Variants in CRACDL observed in about 807,000 individuals in gnomAD.
The protein encoded by CRACDL is CRACD-like protein.
A neutral mutation model predicts 70.6 loss-of-function variants in CRACDL; 26 were observed. That is an observed-to-expected ratio of 0.37 (90% CI 0.27 to 0.51). CRACDL has a LOEUF of 0.51. CRACDL is among the 20% of genes least tolerant of loss of function. CRACDL has a pLI of 0.94. For missense variants in CRACDL, 1,283 were observed against 1,376.9 expected (o/e 0.93, Z 1.08); for synonymous variants, 618 against 615.2 (o/e 1.00, Z -0.07).
At chr2:98,857,584 A>G (rs1168047150) in intron 1 of CRACDL, among the ~76,000 whole-genome samples, 2 of 152,176 alleles carry the variant, frequency 1.3e-5, no homozygotes, top group Non-Finnish European at 2.9e-5. Flanking sequence ...TCAATAAGAA[A>G]TTAAAAGGTA....
At chr2:98,909,971 G>A (rs751571817) in intron 1 of CRACDL, among the ~76,000 whole-genome samples, 3 of 152,130 alleles carry the variant, frequency 2.0e-5, no homozygotes, top group African/African-American at 4.8e-5. Flanking sequence ...ATTTTGCCCC[G>A]ATTCCCACCC....
Position 98,897,372 on chromosome 2 carries a change from C to T in CRACDL, c.-11+38566G>A. On this transcript the variant is annotated intron_variant, in intron 1 of 9. Transcript: ENST00000397899. ...TATATTTGCCTTGCTCCTCTTAGCA[C>T]CTACCTTTTATCTTGCACGGACGCC... 3 of 1,303,612 alleles carry T rather than the reference C, an allele frequency of 2.3e-6. No homozygotes were observed. The South Asian group carries it at 3.7e-5, about 16-fold the overall frequency. The allele number at this position is 1,303,612 out of a possible 1,614,324, so 80.8% of individuals were successfully genotyped here.
At chr2:98,794,758 A>G in intron 9 of CRACDL, 87 bp from the exon 10 acceptor site, 1 of 1,151,942 alleles carries the variant, frequency 8.7e-7, no homozygotes, top group African/African-American at 1.5e-5. Flanking sequence ...CGAACTAGAC[A>G]TCGAGGTCTT....
chr2:98,893,670 GATTAT>G (rs981878394), intron 1 of CRACDL, among the ~76,000 whole-genome samples: 2 of 152,124 alleles, frequency 1.3e-5, no homozygotes, highest in African/African-American at 4.8e-5. Context: ...CTGGGGAAGG[GATTAT>G]ATCTTTTTAC....
intron 1 of CRACDL, among the ~76,000 whole-genome samples, chr2:98,934,358 T>C (rs956521237): frequency 6.6e-6 from 1 of 151,430 alleles, no homozygotes; most frequent in Non-Finnish European, 1.5e-5. Context: ...ACCTGGCTAT[T>C]TTTGTTTTGT....
chr2:98,866,475 C>CTTTTTTTTTTTTTTTTTT (rs1173322192), intron 1 of CRACDL, among the ~76,000 whole-genome samples: 3 of 43,266 alleles, frequency 6.9e-5, no homozygotes, highest in African/African-American at 2.0e-4. Context: ...ATCACTTCTT[C>CTTTTTTTTTTTTTTTTTT]TTTTTTTTTT....
rs746883204 is a variant in CRACDL, at chr2:98,796,831, G to A, written c.2604+519C>T. 3.3e-5 allele frequency among the ~76,000 whole-genome samples: 5 copies of A among 152,158 alleles called. No individual in the cohort carries two copies. In the East Asian group the frequency reaches 9.6e-4, roughly 29 times the overall value. ...GGCATAGTTGTTTGGGTTGGTGAAAGCTGCCTTCAATTCAGAGTACAAAAT... is the reference window on the plus strand; with the variant it reads ...GGCATAGTTGTTTGGGTTGGTGAAAACTGCCTTCAATTCAGAGTACAAAAT... On this transcript the variant is annotated intron_variant, in intron 8 of 9. Transcript: ENST00000397899.
intron 2 of CRACDL, among the ~76,000 whole-genome samples, chr2:98,839,877 A>C (rs73962476): frequency 3.2e-3 from 491 of 152,276 alleles, no homozygotes; most frequent in African/African-American, 0.011. Flanking sequence ...TCTCACCCTG[A>C]TATTAATTAT....
chr2:98,901,674 G>C (rs1197651592), intron 1 of CRACDL, among the ~76,000 whole-genome samples: 1 of 152,214 alleles, frequency 6.6e-6, no homozygotes, highest in Non-Finnish European at 1.5e-5. Context: ...AGACAGTCTA[G>C]AGTCTCCAAT....
Position 98,822,267 on chromosome 2 carries a change from G to A in CRACDL, c.2006C>T (p.Ala669Val), listed in dbSNP as rs1297921562. The A allele has an allele frequency of 1.6e-5, 25 of 1,587,476 alleles. No homozygotes were observed. The highest frequency in any genetic ancestry group is 2.3e-5 in the East Asian group (1 of 43,930). The change falls in exon 7 of 10, where the codon GCC (alanine) becomes GTC (valine). Residue 669 changes from alanine to valine, a missense_variant. By Grantham distance (64) the Ala-to-Val change is moderately conservative. Transcript: ENST00000397899. The surrounding 1 kb of genome is among the most constrained non-coding windows in gnomAD (Gnocchi z 4.9). ...CTCACTCGGGGCCGGCTCCTGGGCGGCTGGGCAGGGCTCTCTCGTGCCGGG... is the reference window on the plus strand; with the variant it reads ...CTCACTCGGGGCCGGCTCCTGGGCGACTGGGCAGGGCTCTCTCGTGCCGGG... ...AAPGTREPCP[A>V]AQEPAPSEDR...
At chr2:98,821,758 G>A (rs971222863) in intron 7 of CRACDL, 99 bp downstream of exon 7, 3 of 1,418,714 alleles carry the variant, frequency 2.1e-6, no homozygotes, top group Admixed American at 2.4e-5. Context: ...CTGCAACAAA[G>A]TTTGTACCAG....
At chr2:98,854,174 G>A (rs751023363) in intron 1 of CRACDL, among the ~76,000 whole-genome samples, 4 of 150,742 alleles carry the variant, frequency 2.7e-5, no homozygotes, top group Non-Finnish European at 4.4e-5. Context: ...CCCAGTATTC[G>A]GGAGGCTGAG....
intron 7 of CRACDL, among the ~76,000 whole-genome samples, chr2:98,811,901 T>C (rs1391651507): frequency 2.6e-5 from 4 of 151,876 alleles, no homozygotes; most frequent in Non-Finnish European, 5.9e-5. Context: ...TTTAATCATA[T>C]GGATGTACCA....
intron 5 of CRACDL, among the ~76,000 whole-genome samples, chr2:98,828,160 G>T (rs932948876): frequency 6.6e-6 from 1 of 152,210 alleles, no homozygotes; most frequent in East Asian, 1.9e-4. Context: ...AACTTGGCCA[G>T]CTCCACCACT....
chr2:98,824,164 A>G (rs1418168863), intron 6 of CRACDL, among the ~76,000 whole-genome samples: 1 of 152,170 alleles, frequency 6.6e-6, no homozygotes, highest in Non-Finnish European at 1.5e-5. Context: ...TTTCAGCTAA[A>G]TTTAAAGTCC....
chr2:98,800,730 T>C (rs1271956383), intron 7 of CRACDL, among the ~76,000 whole-genome samples: 1 of 152,228 alleles, frequency 6.6e-6, no homozygotes, highest in African/African-American at 2.4e-5. Context: ...CCAACTGAAG[T>C]ATGCCTTTGG....
chr2:98,823,029 T>G lies in CRACDL; in HGVS notation c.1244A>C (p.Glu415Ala), dbSNP rs771314260. Residue 415 changes from glutamate to alanine, a missense_variant, in exon 7 of 10, where the codon GAG (glutamate) becomes GCG (alanine). By Grantham distance (107) the Glu-to-Ala change is moderately radical. Coordinates refer to ENST00000397899, the MANE Select transcript of CRACDL (RefSeq NM_207362.3). This position sits in a 1 kb window ranked among gnomAD's most constrained non-coding sequence, Gnocchi z 4.0. ...AIPEGDTTPP[E>A]TDPAATSEAP... is the part of the protein sequence containing the mutation. Reference sequence around the variant, plus strand: ...CTCTGAGGTGGCGGCGGGGTCAGTCTCGGGGGGAGTCGTGTCCCCCTCAGG... The same window carrying G: ...CTCTGAGGTGGCGGCGGGGTCAGTCGCGGGGGGAGTCGTGTCCCCCTCAGG... 1 of 1,541,576 alleles carries G rather than the reference T, an allele frequency of 6.5e-7. No individual in the cohort carries two copies. Among genetic ancestry groups the G allele is most frequent in the African/African-American group, 1.4e-5 (1 of 70,172 alleles).
chr2:98,919,588 C>T (rs1708751477), intron 1 of CRACDL, among the ~76,000 whole-genome samples: 2 of 151,880 alleles, frequency 1.3e-5, no homozygotes, highest in Non-Finnish European at 2.9e-5. Context: ...AATTTTAATC[C>T]ACATGGAATA....
chr2:98,822,789 T>C lies in CRACDL; in HGVS notation c.1484A>G (p.Lys495Arg), dbSNP rs776231888. 6 of 1,355,368 alleles carry C rather than the reference T, an allele frequency of 4.4e-6. No homozygotes were observed. In the Admixed American group the frequency reaches 1.6e-4, roughly 37 times the overall value. 84.0% of individuals were successfully genotyped at this position (1,355,368 alleles called of 1,614,324 possible). ...TAPAPSPPAP[K>R]SCLKHRPAAA... ...CGCGGGCCGGTGTTTCAGGCAGCTC[T>C]TGGGCGCCGGCGGGCTCGGGGCGGG... is the stretch of plus-strand genomic sequence containing the variant. The change falls in exon 7 of 10, where the codon AAG (lysine) becomes AGG (arginine). Residue 495 changes from lysine to arginine, a missense_variant. By Grantham distance (26) the Lys-to-Arg change is conservative. This residue lies in a region of CRACDL where 921 missense variants were observed against 881.9 expected (regional missense o/e 1.04). Coordinates refer to ENST00000397899, the MANE Select transcript of CRACDL (RefSeq NM_207362.3). This position sits in a 1 kb window ranked among gnomAD's most constrained non-coding sequence, Gnocchi z 4.9.
Sources: gnomAD v4.1 joint callset for allele counts (sites outside exome capture counted in the v4.1 genomes callset) on GRCh38, gnomAD v4.1.1 for gene constraint, gnomAD v4.1.1 regional missense constraint, Gnocchi (gnomAD v3.1) non-coding constraint, MANE v1.5 for transcripts, NCBI Gene and HGNC (gene_info 2026-07-23, HGNC 2026-07-21) for gene names.